CTNND2: variants seen among roughly 807,000 people sequenced by gnomAD.
The protein encoded by CTNND2 is catenin delta 2, also known as catenin delta-2.
CTNND2 carries 22 observed loss-of-function variants against 144.4 expected under a neutral mutation model. The ratio of observed to expected loss-of-function variants is 0.15; its 90% CI spans 0.11 to 0.22. CTNND2 has a LOEUF of 0.22. Ranked by LOEUF, CTNND2 falls within the 10% of genes least tolerant of loss-of-function variation. The pLI is 1.00. For missense variants in CTNND2, 1,353 were observed against 1,618.8 expected, an observed-to-expected ratio of 0.84 and a Z score of 2.82; for synonymous variants, 751 against 695.6, an observed-to-expected ratio of 1.08 and a Z score of -1.25.
intron 3 of CTNND2, among the ~76,000 whole-genome samples, chr5:11,458,084 C>G (rs1765888438): frequency 6.6e-6 from 1 of 152,068 alleles, no homozygotes; most frequent in Non-Finnish European, 1.5e-5. Flanking sequence ...GTGAAAGAGC[C>G]AAAACAGTCT....
chr5:11,537,370 G>T (rs1445227733), intron 3 of CTNND2, among the ~76,000 whole-genome samples: 1 of 152,034 alleles, frequency 6.6e-6, no homozygotes, highest in African/African-American at 2.4e-5. Context: ...GAAAAATAAT[G>T]TTGAACTTAT....
intron 5 of CTNND2, among the ~76,000 whole-genome samples, chr5:11,408,449 T>G (rs1761260689): frequency 6.6e-6 from 1 of 152,168 alleles, no homozygotes; most frequent in South Asian, 2.1e-4. Context: ...AGAATAATAA[T>G]ATTCTTTATG....
chr5:11,336,992 G>A (rs186785005), intron 9 of CTNND2, among the ~76,000 whole-genome samples: 25 of 152,236 alleles, frequency 1.6e-4, no homozygotes, highest in Non-Finnish European at 2.5e-4. Context: ...CCTCTCTCTG[G>A]TGAGGGTTCC....
intron 8 of CTNND2, among the ~76,000 whole-genome samples, chr5:11,350,061 C>T (rs574358521): frequency 2.8e-4 from 42 of 152,128 alleles, no homozygotes; most frequent in African/African-American, 7.5e-4. Context: ...TGCTTGAACC[C>T]GGGAGGCGGA....
intron 7 of CTNND2, among the ~76,000 whole-genome samples, chr5:11,383,713 C>T (rs1247433551): frequency 6.6e-6 from 1 of 152,158 alleles, no homozygotes; most frequent in East Asian, 1.9e-4. Flanking sequence ...AGAAAGGAAG[C>T]ATATGAGCAC....
intron 3 of CTNND2, among the ~76,000 whole-genome samples, chr5:11,488,936 G>A (rs1418582107): frequency 3.3e-5 from 5 of 152,164 alleles, no homozygotes; most frequent in East Asian, 1.9e-4. Flanking sequence ...GAACATGGAC[G>A]TGTAGAGTTT....
chr5:11,532,748 G>A (rs1773859217), intron 3 of CTNND2, among the ~76,000 whole-genome samples: 1 of 152,176 alleles, frequency 6.6e-6, no homozygotes, highest in South Asian at 2.1e-4. Flanking sequence ...AAGGACATTT[G>A]CTAGTCAGGA....
chr5:11,620,208 G>A (rs1780765395), intron 2 of CTNND2, among the ~76,000 whole-genome samples: 1 of 151,874 alleles, frequency 6.6e-6, no homozygotes, highest in Non-Finnish European at 1.5e-5. Flanking sequence ...TTGGGACCTG[G>A]CTGACCTGGA....
rs1231686269 is a variant in CTNND2 at position 11,632,465 on chromosome 5, T to C, written c.175-67409A>G. Among the ~76,000 whole-genome samples, 15 of 152,090 alleles carry C rather than the reference T, an allele frequency of 9.9e-5. 1 individual carries two copies. The highest frequency in any genetic ancestry group is 9.2e-4 in the Admixed American group (14 of 15,264). On this transcript the variant is annotated intron_variant, in intron 2 of 21. Transcript: ENST00000304623. ...TATTCCAGTCAAGTTACCAAATAAA[T>C]AAACAACAGAAACAACAAGCACTGG...
intron 9 of CTNND2, among the ~76,000 whole-genome samples, chr5:11,337,735 T>A (rs531384645): frequency 1.5e-4 from 23 of 152,326 alleles, no homozygotes; most frequent in African/African-American, 5.3e-4. Context: ...TGCTTTTTTT[T>A]AATGTGTTAT....
intron 16 of CTNND2, among the ~76,000 whole-genome samples, chr5:11,079,223 T>C (rs989936536): frequency 1.8e-4 from 28 of 152,216 alleles, no homozygotes; most frequent in Non-Finnish European, 8.8e-5. Context: ...CTTGAGCTCT[T>C]TGCCTATTGT....
intron 16 of CTNND2, among the ~76,000 whole-genome samples, chr5:11,067,308 A>T (rs1747722832): frequency 6.6e-6 from 1 of 152,204 alleles, no homozygotes; most frequent in African/African-American, 2.4e-5. Flanking sequence ...GCATTTTTGG[A>T]GAATGGTCAA....
chr5:11,454,231 C>A (rs1463531015), intron 3 of CTNND2, among the ~76,000 whole-genome samples: 2 of 152,114 alleles, frequency 1.3e-5, no homozygotes, highest in Non-Finnish European at 2.9e-5. Context: ...ACCATCCTGG[C>A]CAACATGGTG....
chr5:11,617,907 A>G (rs1780654690), intron 2 of CTNND2, among the ~76,000 whole-genome samples: 2 of 152,174 alleles, frequency 1.3e-5, no homozygotes, highest in Non-Finnish European at 2.9e-5. Context: ...GACTGCCCAC[A>G]TTTTATGGAT....
At chr5:11,070,176 G>A (rs1480868324) in intron 16 of CTNND2, among the ~76,000 whole-genome samples, 1 of 152,042 alleles carries the variant, frequency 6.6e-6, no homozygotes, top group Non-Finnish European at 1.5e-5. Flanking sequence ...TGTAGATAAG[G>A]ACTTTATCTG....
chr5:11,059,221 A>G (rs2907094), intron 16 of CTNND2, among the ~76,000 whole-genome samples: 28,532 of 152,098 alleles, frequency 0.19, 5,151 homozygotes, highest in East Asian at 0.57. Context: ...GTCCACACCC[A>G]AATCTCATCT....
intron 16 of CTNND2, among the ~76,000 whole-genome samples, chr5:11,077,004 CTTTT>C (rs1056387224): frequency 2.1e-4 from 32 of 152,138 alleles, no homozygotes; most frequent in African/African-American, 6.5e-4. Context: ...TGATTCTTGG[CTTTT>C]TTAATAGAAA....
intron 3 of CTNND2, among the ~76,000 whole-genome samples, chr5:11,428,373 A>G (rs1244930705): frequency 6.6e-6 from 1 of 152,162 alleles, no homozygotes; most frequent in East Asian, 1.9e-4. Flanking sequence ...AACTCCTTGG[A>G]AAGCATGTTC....
chr5:11,394,343 C>T (rs1475443347), intron 6 of CTNND2, among the ~76,000 whole-genome samples: 3 of 152,192 alleles, frequency 2.0e-5, no homozygotes, highest in Admixed American at 6.5e-5. Context: ...ACATGATAAA[C>T]ATCTTGAATG....
Sources: gnomAD v4.1 joint callset for allele counts (sites outside exome capture counted in the v4.1 genomes callset) on GRCh38, gnomAD v4.1.1 for gene constraint, MANE v1.5 for transcripts, NCBI Gene and HGNC (gene_info 2026-07-23, HGNC 2026-07-21) for gene names.